Variants in DYRK1A observed in about 807,000 individuals in gnomAD.
DYRK1A encodes the protein dual specificity tyrosine-phosphorylation-regulated kinase 1A.
Under a neutral mutation model 79.7 loss-of-function variants are expected in DYRK1A, and 9 were observed. The observed-to-expected ratio is 0.11, with a 90% CI of 0.07 to 0.20. The LOEUF (loss-of-function observed/expected upper bound fraction) is 0.20, where lower values mean the gene tolerates loss of function less well. Among genes scored for constraint, DYRK1A ranks in the 10% least tolerant of loss-of-function variants. DYRK1A has a pLI of 1.00. For missense variants in DYRK1A, 622 were observed against 956.0 expected, an observed-to-expected ratio of 0.65 and a Z score of 4.61; for synonymous variants, 349 against 329.7, an observed-to-expected ratio of 1.06 and a Z score of -0.63.
At position 37,367,431 on chromosome 21, in the gene DYRK1A, C is replaced by G. The variant is rs1458323644; in HGVS notation, c.-274C>G. The G allele has an allele frequency of 6.7e-6, 1 of 148,666 alleles. No individual in the cohort carries two copies. The highest frequency in any genetic ancestry group is 1.5e-5 in the Non-Finnish European group (1 of 66,666). 9.2% of individuals were successfully genotyped at this position (148,666 alleles called of 1,614,324 possible). On this transcript the variant is annotated 5_prime_UTR_variant, in exon 1 of 12. Transcript: ENST00000647188. ...TGCCGGGGAGGGGGCTGTCGCCTCC[C>G]CGGCCCCGGGCGCCGCTGGAACCGC...
intron 1 of DYRK1A, among the ~76,000 whole-genome samples, chr21:37,402,843 A>G (rs1281692259): frequency 6.6e-6 from 1 of 151,894 alleles, no homozygotes; most frequent in African/African-American, 2.4e-5. Context: ...GCTCACTGCA[A>G]CCTCTGCCTC....
At chr21:37,397,296 T>C (rs1325979560) in intron 1 of DYRK1A, among the ~76,000 whole-genome samples, 1 of 152,194 alleles carries the variant, frequency 6.6e-6, no homozygotes, top group Admixed American at 6.5e-5. Flanking sequence ...GGGGACCCTT[T>C]TTCCTCATTT....
rs2053948841 is a variant in DYRK1A, at chr21:37,523,491, A to G, written c.*10960A>G. On this transcript the variant is annotated 3_prime_UTR_variant, in exon 12 of 12. Coordinates refer to ENST00000647188, the MANE Select transcript of DYRK1A (RefSeq NM_001347721.2). ...AGAGATTCATTATGTTCTAATGACTATGAGGGAAGCTTTAGTTTTTGTCTC... is the reference window on the plus strand; with the variant it reads ...AGAGATTCATTATGTTCTAATGACTGTGAGGGAAGCTTTAGTTTTTGTCTC... The G allele has an allele frequency of 1.3e-5, 2 of 152,342 alleles. No homozygotes were observed. The highest frequency in any genetic ancestry group is 3.4e-3 in the Middle Eastern group (1 of 294). 9.4% of individuals were successfully genotyped at this position (152,342 alleles called of 1,614,324 possible). A position where few individuals can be genotyped will look rare whatever the true frequency, so the allele number is the denominator to read the frequency against.
At chr21:37,460,936 A>T (rs1023252220) in intron 2 of DYRK1A, among the ~76,000 whole-genome samples, 4 of 152,120 alleles carry the variant, frequency 2.6e-5, no homozygotes, top group African/African-American at 9.7e-5. Context: ...TCCAGCAGCT[A>T]TATGTTGGAT....
chr21:37,482,763 C>T (rs1003308255), intron 5 of DYRK1A, among the ~76,000 whole-genome samples: 1 of 152,106 alleles, frequency 6.6e-6, no homozygotes, highest in Non-Finnish European at 1.5e-5. Flanking sequence ...AGAAGACGGC[C>T]ACACCCAAGG....
chr21:37,493,047 C>G lies in DYRK1A; in HGVS notation c.955C>G (p.Arg319Gly). Residue 319 changes from arginine to glycine, a missense_variant, in exon 8 of 12, where the codon CGG (arginine) becomes GGG (glycine). Physicochemically the swap from Arg to Gly is moderately radical, Grantham distance 125. Around this residue, in one of 5 missense-constraint regions of DYRK1A, gnomAD observed 138 missense variants for 346.4 expected, o/e 0.40. Coordinates refer to ENST00000647188, the MANE Select transcript of DYRK1A (RefSeq NM_001347721.2). ...CCAGTATATTCAGAGTCGCTTTTAT[C>G]GGTCTCCAGAGGTGCTACTGGGAAT... The part of the protein sequence containing the change: ...IYQYIQSRFY[R>G]SPEVLLGMPY... 1 of 1,176,854 alleles carries G rather than the reference C, an allele frequency of 8.5e-7. No homozygotes were observed. The highest frequency in any genetic ancestry group is 1.2e-6 in the Non-Finnish European group (1 of 823,734). 72.9% of individuals were successfully genotyped at this position (1,176,854 alleles called of 1,614,324 possible). A position where few individuals can be genotyped will look rare whatever the true frequency, so the allele number is the denominator to read the frequency against.
At chr21:37,462,834 T>C (rs1716851082) in intron 2 of DYRK1A, among the ~76,000 whole-genome samples, 1 of 152,192 alleles carries the variant, frequency 6.6e-6, no homozygotes, top group South Asian at 2.1e-4. Context: ...TGATTTCTTT[T>C]TTCAGTCATC....
chr21:37,408,313 T>C (rs146691466), intron 1 of DYRK1A, among the ~76,000 whole-genome samples: 1 of 152,340 alleles, frequency 6.6e-6, no homozygotes, highest in African/African-American at 2.4e-5. Context: ...CTTTAATTTT[T>C]CGAAAAACTC....
chr21:37,383,832 G>GGTGTGTGTGT (rs534518893), intron 1 of DYRK1A, among the ~76,000 whole-genome samples: 10 of 115,480 alleles, frequency 8.7e-5, no homozygotes, highest in African/African-American at 1.7e-4. Flanking sequence ...GATAGGTAAT[G>GGTGTGTGTGT]GTGTATGTGT....
chr21:37,394,704 T>G (rs1044096360), intron 1 of DYRK1A, among the ~76,000 whole-genome samples: 7 of 152,162 alleles, frequency 4.6e-5, no homozygotes, highest in Non-Finnish European at 8.8e-5. Flanking sequence ...TGATCTGAAG[T>G]AGAAGAGTTT....
chr21:37,479,216 G>A (rs1277214322), intron 4 of DYRK1A, among the ~76,000 whole-genome samples: 1 of 152,246 alleles, frequency 6.6e-6, no homozygotes, highest in East Asian at 1.9e-4. Context: ...GTGTGGCAAC[G>A]TAAAATTAGA....
intron 2 of DYRK1A, among the ~76,000 whole-genome samples, chr21:37,445,504 T>C (rs757687621): frequency 2.0e-5 from 3 of 152,176 alleles, no homozygotes; most frequent in African/African-American, 2.4e-5. Flanking sequence ...TGGAGAGAGA[T>C]ACACAGTAAA....
Position 37,448,719 on chromosome 21 carries a change from T to G in DYRK1A, c.11-23965T>G, listed in dbSNP as rs564808318. On this transcript the variant is annotated intron_variant, in intron 2 of 11. Transcript: ENST00000647188. Reference sequence around the variant, plus strand: ...TTTTGTTTGTTTTTGAGGCAGAGTCTTACTCTGTTGCCAGGCTGTCAGGCT... The same window carrying G: ...TTTTGTTTGTTTTTGAGGCAGAGTCGTACTCTGTTGCCAGGCTGTCAGGCT... Among the ~76,000 whole-genome samples, 225 of 152,084 alleles carry G rather than the reference T, an allele frequency of 1.5e-3. 1 individual carries two copies. The highest frequency in any genetic ancestry group is 5.0e-3 in the African/African-American group (208 of 41,338).
At chr21:37,511,231 G>A (rs572857844) in intron 11 of DYRK1A, among the ~76,000 whole-genome samples, 1 of 152,194 alleles carries the variant, frequency 6.6e-6, no homozygotes, top group African/African-American at 2.4e-5. Context: ...GTATCCATTT[G>A]GGTTTATTTT....
At position 37,495,158 on chromosome 21, in the gene DYRK1A, G is replaced by T. The variant is rs1157694352; in HGVS notation, c.1072-960G>T. Among the ~76,000 whole-genome samples the T allele has an allele frequency of 5.1e-3, 150 of 29,208 alleles. 1 individual carries two copies. Among genetic ancestry groups the T allele is most frequent in the African/African-American group, 0.016 (142 of 8,832 alleles). 19.2% of individuals were successfully genotyped at this position (29,208 alleles called of 152,430 possible). A position where few individuals can be genotyped will look rare whatever the true frequency, so the allele number is the denominator to read the frequency against. ...TTATTAAGCCTCTGGGATTTTGTGT[G>T]TGTGTGTGTGTGTGTGTGTGTGTGT... On this transcript the variant is annotated intron_variant, in intron 8 of 11. Coordinates refer to ENST00000647188, the MANE Select transcript of DYRK1A (RefSeq NM_001347721.2).
intron 1 of DYRK1A, among the ~76,000 whole-genome samples, chr21:37,378,854 A>G (rs1173375800): frequency 6.6e-6 from 1 of 152,196 alleles, no homozygotes; most frequent in Non-Finnish European, 1.5e-5. Context: ...GAGCACAGGA[A>G]GTAAGACAAT....
chr21:37,451,807 A>C (rs901638795), intron 2 of DYRK1A, among the ~76,000 whole-genome samples: 2 of 152,196 alleles, frequency 1.3e-5, no homozygotes, highest in African/African-American at 4.8e-5. Flanking sequence ...TGAGGGAAGA[A>C]TGGAGTAGGG....
intron 1 of DYRK1A, among the ~76,000 whole-genome samples, chr21:37,416,090 T>C (rs1017461623): frequency 1.3e-5 from 2 of 152,156 alleles, no homozygotes; most frequent in Admixed American, 1.3e-4. Flanking sequence ...AACTGTGACC[T>C]TAGGCCAGTT....
rs1351264959 is a variant in DYRK1A, at chr21:37,505,567, C to T, written c.1497C>T (p.Thr499=). The T allele has an allele frequency of 6.2e-7, 1 of 1,606,338 alleles. No homozygotes were observed. Among genetic ancestry groups the T allele is most frequent in the Admixed American group, 1.7e-5 (1 of 59,960 alleles). Reference sequence around the variant, plus strand: ...AGCAGTCTCAGTCTTCGGGCACCACCTCCAGTACATCGTCAAGCTCAGGTC... The same window carrying T: ...AGCAGTCTCAGTCTTCGGGCACCACTTCCAGTACATCGTCAAGCTCAGGTC... ...AMEQSQSSGT[T]SSTSSSSGGS... Residue 499 remains threonine (T), a synonymous_variant, in exon 10 of 12, where the codon ACC becomes ACT. Coordinates refer to ENST00000647188, the MANE Select transcript of DYRK1A (RefSeq NM_001347721.2).
Sources: allele counts gnomAD v4.1 joint callset (sites outside exome capture counted in the v4.1 genomes callset), GRCh38; gene constraint gnomAD v4.1.1; regional missense constraint gnomAD v4.1.1; transcripts MANE v1.5; gene names NCBI Gene and HGNC (gene_info 2026-07-23, HGNC 2026-07-21).